CNTN3: variants seen among roughly 807,000 people sequenced by gnomAD.
The protein encoded by CNTN3 is contactin-3.
A neutral mutation model predicts 119.1 loss-of-function variants in CNTN3; 60 were observed. The ratio of observed to expected loss-of-function variants is 0.50; its 90% CI spans 0.41 to 0.62. The LOEUF is 0.62. CNTN3 is among the 20% of genes least tolerant of loss of function. The pLI is 0.00. For missense variants in CNTN3, 1,101 were observed against 1,242.4 expected (o/e 0.89, Z 1.71); for synonymous variants, 450 against 438.7 (o/e 1.03, Z -0.32).
chr3:74,600,906 A>G (rs1704899036), intron 1 of CNTN3, among the ~76,000 whole-genome samples: 1 of 151,996 alleles, frequency 6.6e-6, no homozygotes, highest in South Asian at 2.1e-4. Context: ...ACCTTCCTTG[A>G]TCATTCTACC....
At chr3:74,282,989 T>C (rs1702044563) in intron 20 of CNTN3, among the ~76,000 whole-genome samples, 1 of 152,106 alleles carries the variant, frequency 6.6e-6, no homozygotes. Context: ...TAGCAGAACA[T>C]TGTTTTTGAG....
chr3:74,377,298 T>C (rs1704502246), intron 5 of CNTN3, among the ~76,000 whole-genome samples: 1 of 152,062 alleles, frequency 6.6e-6, no homozygotes, highest in Admixed American at 6.6e-5. Flanking sequence ...ACTATGTTTA[T>C]ATATATATGT....
At chr3:74,598,597 T>C (rs1285048783) in intron 1 of CNTN3, among the ~76,000 whole-genome samples, 1 of 152,090 alleles carries the variant, frequency 6.6e-6, no homozygotes, top group Non-Finnish European at 1.5e-5. Context: ...TAGAATTCAA[T>C]ATAATGTGAT....
intron 11 of CNTN3, among the ~76,000 whole-genome samples, chr3:74,358,459 T>C (rs184596447): frequency 8.7e-4 from 132 of 151,992 alleles, no homozygotes; most frequent in Non-Finnish European, 1.5e-3. Flanking sequence ...AAAAAAATTC[T>C]GTATTTCCCA....
At chr3:74,614,251 T>C (rs1705131138) in intron 1 of CNTN3, among the ~76,000 whole-genome samples, 140 bp downstream of exon 1, 1 of 152,218 alleles carries the variant, frequency 6.6e-6, no homozygotes, top group Non-Finnish European at 1.5e-5. Flanking sequence ...GCATCTTTTA[T>C]TCTCGACCCG....
intron 11 of CNTN3, among the ~76,000 whole-genome samples, chr3:74,358,511 A>T (rs1239911437): frequency 6.6e-6 from 1 of 150,420 alleles, no homozygotes; most frequent in East Asian, 1.9e-4. Context: ...TGAATTTCTG[A>T]TTAGTATGGT....
intron 1 of CNTN3, among the ~76,000 whole-genome samples, chr3:74,531,457 T>C (rs534950878): frequency 1.3e-4 from 19 of 151,966 alleles, no homozygotes; most frequent in Non-Finnish European, 2.6e-4. Context: ...AGCACCATCC[T>C]AGAACAGGTA....
intron 4 of CNTN3, among the ~76,000 whole-genome samples, chr3:74,475,384 T>C (rs1291869254): frequency 6.6e-6 from 1 of 152,174 alleles, no homozygotes; most frequent in Non-Finnish European, 1.5e-5. Context: ...TGGAACAGTG[T>C]AATTAGGGCA....
intron 1 of CNTN3, among the ~76,000 whole-genome samples, chr3:74,587,819 T>G (rs939063013): frequency 1.3e-5 from 2 of 152,162 alleles, no homozygotes; most frequent in African/African-American, 4.8e-5. Flanking sequence ...TGGCCAGAAC[T>G]TCCAACACTA....
chr3:74,543,993 T>G (rs1182859117), intron 1 of CNTN3, among the ~76,000 whole-genome samples: 7 of 152,232 alleles, frequency 4.6e-5, no homozygotes, highest in African/African-American at 7.2e-5. Flanking sequence ...TTAATCATAT[T>G]TGAATGACAA....
chr3:74,531,127 G>A (rs1219339928), intron 1 of CNTN3, among the ~76,000 whole-genome samples: 3 of 151,884 alleles, frequency 2.0e-5, no homozygotes, highest in Non-Finnish European at 2.9e-5. Context: ...GTAGACCTTC[G>A]CTCCACACCA....
chr3:74,284,328 C>T (rs1323028411), intron 20 of CNTN3, among the ~76,000 whole-genome samples: 1 of 152,118 alleles, frequency 6.6e-6, no homozygotes, highest in Non-Finnish European at 1.5e-5. Context: ...GTTAAGCAAA[C>T]ATTTTTATTA....
chr3:74,389,310 G>A (rs1255986177), intron 5 of CNTN3, among the ~76,000 whole-genome samples: 2 of 151,898 alleles, frequency 1.3e-5, no homozygotes, highest in Admixed American at 1.3e-4. Flanking sequence ...GTTACATAAG[G>A]GAAAACAGGT....
intron 1 of CNTN3, among the ~76,000 whole-genome samples, chr3:74,578,371 T>C (rs1446388952): frequency 2.6e-5 from 4 of 152,092 alleles, no homozygotes; most frequent in African/African-American, 4.8e-5. Flanking sequence ...TTAAGGAGAT[T>C]CTTGTGCAAT....
At chr3:74,303,041 C>T (rs1368572971) in intron 13 of CNTN3, among the ~76,000 whole-genome samples, 1 of 152,204 alleles carries the variant, frequency 6.6e-6, no homozygotes, top group African/African-American at 2.4e-5. Flanking sequence ...CAAGCTTCCT[C>T]CTGGGCATTT....
intron 19 of CNTN3, 46 bp downstream of exon 19, chr3:74,295,075 G>C: frequency 1.5e-6 from 2 of 1,291,172 alleles, no homozygotes; most frequent in Non-Finnish European, 2.2e-6. Context: ...AGGAGACAAA[G>C]TGGCACGGTA....
At chr3:74,354,529 G>T (rs894272681) in intron 11 of CNTN3, among the ~76,000 whole-genome samples, 1 of 151,930 alleles carries the variant, frequency 6.6e-6, no homozygotes, top group Non-Finnish European at 1.5e-5. Context: ...GTCTCTTTTG[G>T]AAATAGGTGG....
chr3:74,401,081 C>T (rs1324389488), intron 5 of CNTN3, among the ~76,000 whole-genome samples: 15 of 152,126 alleles, frequency 9.9e-5, no homozygotes, highest in Non-Finnish European at 2.9e-5. Context: ...GGGATAAACT[C>T]GTGGCCTTGT....
intron 5 of CNTN3, among the ~76,000 whole-genome samples, chr3:74,411,042 C>T (rs1410074193): frequency 6.6e-6 from 1 of 152,076 alleles, no homozygotes; most frequent in Non-Finnish European, 1.5e-5. Flanking sequence ...CTCCCTCCCT[C>T]CCTTCCTTCT....
Sources: gnomAD v4.1 joint callset for allele counts (sites outside exome capture counted in the v4.1 genomes callset) on GRCh38, gnomAD v4.1.1 for gene constraint, MANE v1.5 for transcripts, NCBI Gene and HGNC (gene_info 2026-07-23, HGNC 2026-07-21) for gene names.